The following B3GALNT2 variants were observed in gnomAD, a reference collection of about 807,000 sequenced individuals.
The protein encoded by B3GALNT2 is UDP-GalNAc:beta-1,3-N-acetylgalactosaminyltransferase 2.
B3GALNT2 carries 53 observed loss-of-function variants against 61.1 expected under a neutral mutation model. That is an observed-to-expected ratio of 0.87 (90% CI 0.70 to 1.09). The LOEUF (loss-of-function observed/expected upper bound fraction) is 1.09, where lower values mean the gene tolerates loss of function less well. B3GALNT2 is among the 50% of genes least tolerant of loss of function. B3GALNT2 has a pLI of 0.00. For missense variants in B3GALNT2, 544 were observed against 623.0 expected (o/e 0.87, Z 1.35); for synonymous variants, 223 against 237.4 (o/e 0.94, Z 0.56).
At chr1:235,468,726 CA>C (rs1318133361) in intron 6 of B3GALNT2, among the ~76,000 whole-genome samples, 48,665 of 151,906 alleles carry the variant, frequency 0.32, 8,675 homozygotes, top group Non-Finnish European at 0.41. Context: ...GCTGGGATTA[CA>C]GGCGTGAGCC....
rs1218411970 is a variant in B3GALNT2, at chr1:235,494,713, T to G, written c.228A>C (p.Arg76Ser). The G allele has an allele frequency of 6.2e-7, 1 of 1,613,150 alleles. No individual in the cohort carries two copies. Among genetic ancestry groups the G allele is most frequent in the African/African-American group, 1.3e-5 (1 of 74,874 alleles). The change falls in exon 2 of 12, where the codon AGA becomes AGC. Residue 76 changes from arginine (R) to serine (S), a missense_variant. Transcript: ENST00000366600. ...LRNVIRSTWM[R>S]HLLQHPTLSQ... ...TTAATGTGGGATGCTGTAGCAAATGTCTCATCCAGGTGCTTCTTATCACGT... is the reference window on the plus strand; with the variant it reads ...TTAATGTGGGATGCTGTAGCAAATGGCTCATCCAGGTGCTTCTTATCACGT...
intron 1 of B3GALNT2, among the ~76,000 whole-genome samples, chr1:235,497,312 CAT>C (rs1233380958): frequency 6.6e-6 from 1 of 152,164 alleles, no homozygotes; most frequent in Non-Finnish European, 1.5e-5. Context: ...CCAGTTCTGA[CAT>C]TGATTCCACA....
the B3GALNT2 span, chr1:235,441,672 C>T: frequency 2.5e-5 from 18 of 712,706 alleles, no homozygotes; most frequent in South Asian, 3.0e-4. Context: ...CTAAAAATCA[C>T]ACTGAATAAA....
intron 5 of B3GALNT2, among the ~76,000 whole-genome samples, chr1:235,473,510 G>C (rs545492590): frequency 6.6e-6 from 1 of 152,254 alleles, no homozygotes; most frequent in Admixed American, 6.5e-5. Flanking sequence ...TAAAAATACA[G>C]GCGATGAGAA....
At chr1:235,469,316 T>C (rs1157822576) in intron 6 of B3GALNT2, among the ~76,000 whole-genome samples, 1 of 152,250 alleles carries the variant, frequency 6.6e-6, no homozygotes, top group East Asian at 1.9e-4. Context: ...TCCTAATCAT[T>C]GGACAGGAGA....
chr1:235,478,652 ACT>A (rs1684412541), intron 5 of B3GALNT2, among the ~76,000 whole-genome samples: 2 of 152,176 alleles, frequency 1.3e-5, no homozygotes, highest in African/African-American at 4.8e-5. Flanking sequence ...AAAAATTGAA[ACT>A]CTATCAACAC....
At chr1:235,474,977 A>T (rs1348516702) in intron 5 of B3GALNT2, among the ~76,000 whole-genome samples, 923 of 29,918 alleles carry the variant, frequency 0.031, 134 homozygotes, top group East Asian at 0.28. Flanking sequence ...ATATATATAT[A>T]TATATATATA....
rs746788701 is a variant in B3GALNT2 at position 235,448,754 on chromosome 1, C to T, written c.*1452G>A. Reference sequence around the variant, plus strand: ...GGAAAATGGAGATTGTCTATTAGTGCGATGGTGACAACCAACTAATAAAAT... The same window carrying T: ...GGAAAATGGAGATTGTCTATTAGTGTGATGGTGACAACCAACTAATAAAAT... On this transcript the variant is annotated 3_prime_UTR_variant, in exon 12 of 12. Transcript: ENST00000366600. 21 of 1,610,228 alleles carry T rather than the reference C, an allele frequency of 1.3e-5. No individual in the cohort carries two copies. The highest frequency in any genetic ancestry group is 8.8e-5 in the South Asian group (8 of 90,982).
At chr1:235,487,451 G>A (rs1177072560) in intron 3 of B3GALNT2, among the ~76,000 whole-genome samples, 1 of 152,072 alleles carries the variant, frequency 6.6e-6, no homozygotes, top group Non-Finnish European at 1.5e-5. Context: ...TCATCCTTAT[G>A]TCAATCCCCA....
chr1:235,465,359 A>G, intron 7 of B3GALNT2: 1 of 334,284 alleles, frequency 3.0e-6, no homozygotes, highest in South Asian at 6.5e-5. Flanking sequence ...GCAAATCCAT[A>G]GAGAAAGAAA....
chr1:235,476,957 T>C (rs1446109111), intron 5 of B3GALNT2, among the ~76,000 whole-genome samples: 1 of 150,586 alleles, frequency 6.6e-6, no homozygotes, highest in Non-Finnish European at 1.5e-5. Flanking sequence ...CCCATATGGT[T>C]GAGGCTGCGG....
At chr1:235,471,961 C>G (rs866955376) in intron 5 of B3GALNT2, among the ~76,000 whole-genome samples, 36 of 150,510 alleles carry the variant, frequency 2.4e-4, no homozygotes, top group Middle Eastern at 3.4e-3. Flanking sequence ...CGGCGCCCTG[C>G]CTGAATTTAA....
chr1:235,456,784 G>C (rs538533268), intron 8 of B3GALNT2, among the ~76,000 whole-genome samples: 1 of 152,308 alleles, frequency 6.6e-6, no homozygotes, highest in African/African-American at 2.4e-5. Flanking sequence ...GCTCTAAAGA[G>C]TATCCGGGGC....
chr1:235,470,030 T>C (rs1474913516), intron 6 of B3GALNT2, among the ~76,000 whole-genome samples: 1 of 151,982 alleles, frequency 6.6e-6, no homozygotes, highest in Non-Finnish European at 1.5e-5. Context: ...CCTGAGTAGC[T>C]GGGATTCCAG....
chr1:235,457,795 G>A (rs889401897), intron 8 of B3GALNT2, among the ~76,000 whole-genome samples: 1 of 151,962 alleles, frequency 6.6e-6, no homozygotes, highest in Non-Finnish European at 1.5e-5. Flanking sequence ...TGGGTAGGTG[G>A]GTATAAATAC....
chr1:235,465,798 A>G, intron 6 of B3GALNT2, 84 bp from the exon 7 acceptor site: 1 of 1,501,086 alleles, frequency 6.7e-7, no homozygotes, highest in East Asian at 2.3e-5. Context: ...AAAAATCATA[A>G]TATGACTCCA....
rs549390162 is a variant in B3GALNT2 at position 235,447,267 on chromosome 1, G to T, written c.*2939C>A. Among the ~76,000 whole-genome samples, 8 of 152,212 alleles carry T rather than the reference G, an allele frequency of 5.3e-5. No individual in the cohort carries two copies. The highest frequency in any genetic ancestry group is 5.2e-4 in the Admixed American group (8 of 15,298). On this transcript the variant is annotated 3_prime_UTR_variant, in exon 12 of 12. Coordinates refer to ENST00000366600, the MANE Select transcript of B3GALNT2 (RefSeq NM_152490.5). ...ATCACAAGTTGGATAAAAACACACAGCTTTTACAAAAATGATTTTTGATAG... is the reference window on the plus strand; with the variant it reads ...ATCACAAGTTGGATAAAAACACACATCTTTTACAAAAATGATTTTTGATAG...
rs760816239 is a variant in B3GALNT2, at chr1:235,494,742, G to C, written c.199C>G (p.Arg67Gly). Reference sequence around the variant, plus strand: ...ATCCAGGTGCTTCTTATCACGTTTCGAAGTTCATGGTTATTGCGAGCTGAC... The same window carrying C: ...ATCCAGGTGCTTCTTATCACGTTTCCAAGTTCATGGTTATTGCGAGCTGAC... ...VLSARNNHEL[R>G]NVIRSTWMRH... The change falls in exon 2 of 12, where the codon CGA becomes GGA. Residue 67 changes from arginine (R) to glycine (G), a missense_variant. By Grantham distance (125) the Arg-to-Gly change is moderately radical (BLOSUM62 -2). Transcript: ENST00000366600. 1 of 1,612,612 alleles carries C rather than the reference G, an allele frequency of 6.2e-7. No individual in the cohort carries two copies.
intron 6 of B3GALNT2, among the ~76,000 whole-genome samples, chr1:235,470,492 T>C (rs1683936747): frequency 1.3e-5 from 2 of 151,084 alleles, no homozygotes; most frequent in East Asian, 2.0e-4. Flanking sequence ...CATGGGAGGA[T>C]TGTTTAAGCC....
Sources: allele counts gnomAD v4.1 joint callset (sites outside exome capture counted in the v4.1 genomes callset), GRCh38; gene constraint gnomAD v4.1.1; transcripts MANE v1.5; gene names NCBI Gene and HGNC (gene_info 2026-07-23, HGNC 2026-07-21).